The following FBXL3 variants were observed in gnomAD, a reference collection of about 807,000 sequenced individuals.
The protein encoded by FBXL3 is F-box/LRR-repeat protein 3.
Under a neutral mutation model 37.9 loss-of-function variants are expected in FBXL3, and 14 were observed. The ratio of observed to expected loss-of-function variants is 0.37; its 90% CI spans 0.24 to 0.58. The LOEUF (loss-of-function observed/expected upper bound fraction) is 0.58. FBXL3 is among the 20% of genes least tolerant of loss of function. The pLI, the probability that FBXL3 is intolerant of heterozygous loss-of-function variation, is 0.74. For synonymous variants in FBXL3, 194 were observed against 180.1 expected (o/e 1.08, Z -0.62); for missense variants, 327 against 511.1 (o/e 0.64, Z 3.47).
chr13:77,021,419 G>T, intron 2 of FBXL3, 94 bp downstream of exon 2: 2 of 945,016 alleles, frequency 2.1e-6, no homozygotes, highest in Non-Finnish European at 3.1e-6. Context: ...CCCTGAAAAA[G>T]CAAATATTTT....
rs1288631037 is a variant in FBXL3 at position 77,021,863 on chromosome 13, T to C, written c.-1-2A>G. The C allele has an allele frequency of 6.3e-7, 1 of 1,580,886 alleles. No individual in the cohort carries two copies. The highest frequency in any genetic ancestry group is 8.6e-7 in the Non-Finnish European group (1 of 1,166,032). On this transcript the variant is annotated splice_acceptor_variant, in intron 1 of 4. Transcript: ENST00000355619. LOFTEE classifies it low-confidence loss of function (5UTR_SPLICE). ...CTATCTCTTCCTCCTCGTTTCATCC[T>C]ATTCCGAAAAATGCATCAGTTTTTT...
intron 1 of FBXL3, 64 bp downstream of exon 1, chr13:77,026,763 G>C (rs974190602): frequency 9.5e-6 from 1 of 105,388 alleles, no homozygotes; most frequent in Non-Finnish European, 1.8e-5. Context: ...GCCCACAGAC[G>C]GTCCGCGGTC....
intron 2 of FBXL3, among the ~76,000 whole-genome samples, chr13:77,020,291 A>C (rs951371756): frequency 6.6e-6 from 1 of 152,238 alleles, no homozygotes; most frequent in East Asian, 1.9e-4. Flanking sequence ...CGAAATTCAA[A>C]TTTAAATACT....
Position 77,021,506 on chromosome 13 carries a change from A to G in FBXL3, c.348+7T>C. 1 of 1,587,110 alleles carries G rather than the reference A, an allele frequency of 6.3e-7. No individual in the cohort carries two copies. The highest frequency in any genetic ancestry group is 8.6e-7 in the Non-Finnish European group (1 of 1,163,730). On this transcript the variant is annotated splice_region_variant and intron_variant, in intron 2 of 4. Transcript: ENST00000355619. ...TTATTTTTTAAAAGAAGGATTTAAA[A>G]TATTACCTTGAAGCTGACATATTGT... is the stretch of plus-strand genomic sequence containing the variant.
intron 2 of FBXL3, 98 bp from the exon 3 acceptor site, chr13:77,018,820 T>C (rs1017764418): frequency 2.0e-6 from 2 of 988,122 alleles, no homozygotes; most frequent in African/African-American, 1.7e-5. Context: ...TATATATTTA[T>C]ATTTCTCTGT....
chr13:77,017,127 T>A (rs1298486225), intron 3 of FBXL3: 1 of 152,024 alleles, frequency 6.6e-6, no homozygotes. Context: ...CCTACTTCAA[T>A]CTTCTACCAA....
chr13:77,026,158 T>A, intron 1 of FBXL3: 1 of 984,962 alleles, frequency 1.0e-6, no homozygotes, highest in Non-Finnish European at 1.2e-6. Flanking sequence ...AAAATAAAAA[T>A]GATCTCTCTC....
In FBXL3 at chr13:77,027,038, A is replaced by C; in HGVS notation, c.-213T>G. The C allele has an allele frequency of 6.6e-6, 1 of 151,888 alleles. No homozygotes were observed. The highest frequency in any genetic ancestry group is 2.4e-5 in the African/African-American group (1 of 41,368). 9.4% of individuals were successfully genotyped at this position (151,888 alleles called of 1,614,324 possible). On this transcript the variant is annotated 5_prime_UTR_variant, in exon 1 of 5. Transcript: ENST00000355619. ...TTTGCGGCTCTGGCTGCCCAGAAAG[A>C]AGCTTTCCTTCTCAGTCCCGCGCTG...
intron 2 of FBXL3, among the ~76,000 whole-genome samples, chr13:77,020,375 A>T (rs1160653429): frequency 1.3e-5 from 2 of 152,206 alleles, no homozygotes; most frequent in Admixed American, 1.3e-4. Flanking sequence ...TGGGAAAAAA[A>T]AGGCAAAAAC....
chr13:77,011,344 C>CAAAAAA (rs34255078), intron 4 of FBXL3, among the ~76,000 whole-genome samples: 1,223 of 74,682 alleles, frequency 0.016, 41 homozygotes, highest in African/African-American at 0.056. Flanking sequence ...ACTTTGTCTC[C>CAAAAAA]AAAAAAAAAA....
intron 4 of FBXL3, chr13:77,010,103 G>C (rs2034522044): frequency 6.6e-6 from 1 of 152,228 alleles, no homozygotes; most frequent in Admixed American, 6.5e-5. Context: ...GTGCCTGTCG[G>C]GAGTTGGGGG....
At chr13:77,026,352 T>A (rs1206629916) in intron 1 of FBXL3, 2 of 985,096 alleles carry the variant, frequency 2.0e-6, no homozygotes, top group African/African-American at 3.5e-5. Context: ...CCCCACCGAC[T>A]GGCTTCCCCT....
chr13:77,023,507 T>C (rs1319968319), intron 1 of FBXL3, among the ~76,000 whole-genome samples: 1 of 152,200 alleles, frequency 6.6e-6, no homozygotes, highest in African/African-American at 2.4e-5. Context: ...CTCTTCCCTT[T>C]TTATGTTTTA....
chr13:77,006,767 G>A lies in FBXL3; in HGVS notation c.*378C>T. 1.0e-6 allele frequency: 1 copy of A among 977,010 alleles called. No homozygotes were observed. Among genetic ancestry groups the A allele is most frequent in the Non-Finnish European group, 1.2e-6 (1 of 813,978 alleles). 60.5% of individuals were successfully genotyped at this position (977,010 alleles called of 1,614,324 possible). A position where few individuals can be genotyped will look rare whatever the true frequency, so the allele number is the denominator to read the frequency against. On this transcript the variant is annotated 3_prime_UTR_variant, in exon 5 of 5. Transcript: ENST00000355619. ...TATGTGTAACTGAAGACCCTAAAAT[G>A]TCAAGTTTACATTTTTTTTTAAATG...
intron 3 of FBXL3, chr13:77,015,795 A>G (rs1357621445): frequency 6.5e-6 from 2 of 306,194 alleles, no homozygotes; most frequent in Non-Finnish European, 1.2e-5. Flanking sequence ...GTGTGGGGGA[A>G]AAAAGCATTT....
chr13:77,016,594 C>G (rs1185876912), intron 3 of FBXL3: 3 of 151,686 alleles, frequency 2.0e-5, no homozygotes, highest in Non-Finnish European at 4.4e-5. Context: ...CTGGAGTGCA[C>G]TGGCACTCCT....
intron 1 of FBXL3, among the ~76,000 whole-genome samples, chr13:77,024,843 T>C (rs1006793762): frequency 1.3e-5 from 2 of 152,224 alleles, no homozygotes; most frequent in African/African-American, 4.8e-5. Flanking sequence ...GTTACAATTA[T>C]AGTGCATTAA....
chr13:77,016,842 T>A (rs1169896583), intron 3 of FBXL3: 1 of 152,196 alleles, frequency 6.6e-6, no homozygotes, highest in African/African-American at 2.4e-5. Context: ...AAACACTACC[T>A]TCTTGATCAC....
At chr13:77,012,473 A>G (rs1345847000) in intron 4 of FBXL3, among the ~76,000 whole-genome samples, 2 of 152,216 alleles carry the variant, frequency 1.3e-5, no homozygotes, top group Non-Finnish European at 2.9e-5. Flanking sequence ...CAACTTTAGA[A>G]CTATAATGCA....
Sources: allele counts gnomAD v4.1 joint callset (sites outside exome capture counted in the v4.1 genomes callset), GRCh38; gene constraint gnomAD v4.1.1; transcripts MANE v1.5; gene names NCBI Gene and HGNC (gene_info 2026-07-23, HGNC 2026-07-21).